The following AGFG2 variants were observed in gnomAD, a reference collection of about 807,000 sequenced individuals.
The protein encoded by AGFG2 is arf-GAP domain and FG repeat-containing protein 2.
AGFG2 carries 31 observed loss-of-function variants against 48.0 expected under a neutral mutation model. That is an observed-to-expected ratio of 0.65 (90% CI 0.49 to 0.87). The LOEUF is 0.87. Among genes scored for constraint, AGFG2 ranks in the 40% least tolerant of loss-of-function variants. The pLI is 0.00. For missense variants in AGFG2, 599 were observed against 632.6 expected (o/e 0.95, Z 0.57); for synonymous variants, 229 against 260.8 (o/e 0.88, Z 1.18).
chr7:100,539,609 A>T, intron 1 of AGFG2, 42 bp downstream of exon 1: 1 of 168,672 alleles, frequency 5.9e-6, no homozygotes, highest in Non-Finnish European at 1.0e-5. Flanking sequence ...GCGTGGGGGG[A>T]CCCGGGGGCG....
rs1801035517 is a variant in AGFG2 at position 100,567,396 on chromosome 7, TC to T, written c.*2406del. On this transcript the variant is annotated 3_prime_UTR_variant, in exon 12 of 12. Transcript: ENST00000300176. ...CGGGGCTAGAGTGACTCACCTGGGC[TC>T]ACACCAACTTCTGGCCAATGCAGGG... is the stretch of plus-strand genomic sequence containing the variant. 6.5e-6 allele frequency: 1 copy of T among 152,860 alleles called. No homozygotes were observed. The highest frequency in any genetic ancestry group is 2.4e-5 in the African/African-American group (1 of 41,474). The allele number at this position is 152,860 out of a possible 1,614,324, so 9.5% of individuals were successfully genotyped here.
chr7:100,546,696 A>C (rs1244991685), intron 1 of AGFG2, among the ~76,000 whole-genome samples: 1 of 152,222 alleles, frequency 6.6e-6, no homozygotes, highest in Non-Finnish European at 1.5e-5. Context: ...AGGTCTGGCT[A>C]GACTTCAGAA....
rs183823871 is a variant in AGFG2, at chr7:100,553,664, C to G, written c.585+164C>G. Among the ~76,000 whole-genome samples the G allele has an allele frequency of 2.6e-5, 4 of 152,286 alleles. No individual in the cohort carries two copies. The East Asian group carries it at 7.7e-4, about 29-fold the overall frequency. On this transcript the variant is annotated intron_variant, in intron 4 of 11. Transcript: ENST00000300176. ...TATCTTGTATTTGTCACTTCTGGAC[C>G]TCATATCTTTTGGAAGTCAGAACCT...
chr7:100,567,989 T>G lies in AGFG2; in HGVS notation c.*2998T>G, dbSNP rs1284708484. 3 of 152,594 alleles carry G rather than the reference T, an allele frequency of 2.0e-5. No homozygotes were observed. The highest frequency in any genetic ancestry group is 4.4e-5 in the Non-Finnish European group (3 of 68,054). The allele number at this position is 152,594 out of a possible 1,614,324, so 9.5% of individuals were successfully genotyped here. ...TCACCTGGCATTGATCACCTGGCAT[T>G]GATCAGCACCCACCCCACCCCTGAG... is the stretch of plus-strand genomic sequence containing the variant. On this transcript the variant is annotated 3_prime_UTR_variant, in exon 12 of 12. Transcript: ENST00000300176.
At position 100,553,647 on chromosome 7, in the gene AGFG2, AT is replaced by A. The variant is rs1211593770; in HGVS notation, c.585+150del. 4.0e-6 allele frequency: 4 copies of A among 991,808 alleles called. No individual in the cohort carries two copies. In the South Asian group the frequency reaches 5.7e-5, roughly 14 times the overall value. 61.4% of individuals were successfully genotyped at this position (991,808 alleles called of 1,614,324 possible). On this transcript the variant is annotated intron_variant, in intron 4 of 11. Transcript: ENST00000300176. Reference sequence around the variant, plus strand: ...GCTCTGCTGTTAACCTGTATCTTGTATTTGTCACTTCTGGACCTCATATCTT... The same window carrying A: ...GCTCTGCTGTTAACCTGTATCTTGTATTGTCACTTCTGGACCTCATATCTT...
chr7:100,562,644 G>A lies in AGFG2; in HGVS notation c.1049G>A (p.Gly350Asp). The change falls in exon 8 of 12, where the codon GGC becomes GAC. Residue 350 changes from glycine to aspartate, a missense_variant. By Grantham distance (94) the Gly-to-Asp change is moderately conservative. Coordinates refer to ENST00000300176, the MANE Select transcript of AGFG2 (RefSeq NM_006076.5). The surrounding 1 kb of genome is among the most constrained non-coding windows in gnomAD (Gnocchi z 5.4). Reference sequence around the variant, plus strand: ...CCCCCGCTCCAGTCTGTCACGATGGGCGGCGGCGGCGGCAGCAGCACAGGG... The same window carrying A: ...CCCCCGCTCCAGTCTGTCACGATGGACGGCGGCGGCGGCAGCAGCACAGGG... The part of the protein sequence containing the change: ...QVPPLQSVTM[G>D]GGGGSSTGLA... 6.3e-7 allele frequency: 1 copy of A among 1,590,772 alleles called. No homozygotes were observed. The highest frequency in any genetic ancestry group is 8.6e-7 in the Non-Finnish European group (1 of 1,164,112).
intron 1 of AGFG2, among the ~76,000 whole-genome samples, chr7:100,544,883 G>C (rs1800485350): frequency 6.6e-6 from 1 of 152,152 alleles, no homozygotes; most frequent in South Asian, 2.1e-4. Flanking sequence ...CATTGCTGCT[G>C]AGGAGGAACA....
intron 3 of AGFG2, among the ~76,000 whole-genome samples, chr7:100,551,027 A>AATTTTT (rs1704933599): frequency 6.5e-5 from 3 of 46,062 alleles, no homozygotes; most frequent in Admixed American, 2.8e-4. Flanking sequence ...ATGCCTGGCT[A>AATTTTT]ATTTATATAT....
intron 3 of AGFG2, 96 bp from the exon 4 acceptor site, chr7:100,553,251 C>A: frequency 6.9e-7 from 1 of 1,449,236 alleles, no homozygotes; most frequent in Middle Eastern, 1.9e-4. Flanking sequence ...GAAAAATGAG[C>A]ATAGATTTTG....
In AGFG2 at chr7:100,562,881, C is replaced by T. The variant is rs773557903; in HGVS notation, c.1106C>T (p.Thr369Ile). 2 of 1,614,166 alleles carry T rather than the reference C, an allele frequency of 1.2e-6. No homozygotes were observed. The highest frequency in any genetic ancestry group is 1.7e-5 in the Admixed American group (1 of 60,030). ...TGGGCAGCCTTCACTAACCCTTTCA[C>T]AGCTCCCGCCGCCCAGTCCCCGCTG... ...LAFGAFTNPFTAPAAQSPLPS... is the reference protein window; with the variant it reads ...LAFGAFTNPFIAPAAQSPLPS... Residue 369 changes from threonine (T) to isoleucine (I), a missense_variant, in exon 9 of 12, where the codon ACA becomes ATA. By Grantham distance (89) the Thr-to-Ile change is moderately conservative. Transcript: ENST00000300176. The surrounding 1 kb of genome is among the most constrained non-coding windows in gnomAD (Gnocchi z 5.4).
intron 1 of AGFG2, among the ~76,000 whole-genome samples, chr7:100,548,478 A>G (rs972708119): frequency 6.6e-6 from 1 of 151,892 alleles, no homozygotes; most frequent in East Asian, 1.9e-4. Flanking sequence ...ATGCCCGGCT[A>G]ATTTTTGTAT....
chr7:100,547,348 C>T (rs1800532265), intron 1 of AGFG2, among the ~76,000 whole-genome samples: 1 of 151,848 alleles, frequency 6.6e-6, no homozygotes, highest in Non-Finnish European at 1.5e-5. Flanking sequence ...TTTGCGCTTC[C>T]TGAGGATGTC....
chr7:100,549,691 A>G (rs930512711), intron 2 of AGFG2, among the ~76,000 whole-genome samples: 12 of 151,860 alleles, frequency 7.9e-5, no homozygotes, highest in African/African-American at 2.7e-4. Context: ...TTATTTATTT[A>G]TTTATTTATT....
chr7:100,551,053 TATATATATATATATTTC>T (rs1562791814), intron 3 of AGFG2, among the ~76,000 whole-genome samples: 5 of 86,384 alleles, frequency 5.8e-5, no homozygotes, highest in African/African-American at 2.0e-4. Context: ...TATATATATA[TATATATATATATATTTC>T]TTTTTTTTTT....
Position 100,562,628 on chromosome 7 carries a change from C to T in AGFG2, c.1033C>T (p.Gln345Ter). The T allele has an allele frequency of 5.0e-6, 8 of 1,612,570 alleles. No individual in the cohort carries two copies. The highest frequency in any genetic ancestry group is 6.8e-6 in the Non-Finnish European group (8 of 1,179,984). The change falls in exon 8 of 12, where the codon CAG becomes TAG. Residue 345 changes from glutamine to a stop codon, truncating the protein, a stop_gained. Coordinates refer to ENST00000300176, the MANE Select transcript of AGFG2 (RefSeq NM_006076.5). LOFTEE classifies it high-confidence loss of function. The surrounding 1 kb of genome is among the most constrained non-coding windows in gnomAD (Gnocchi z 5.4). ...FGMAGQVPPL[Q>*]SVTMGGGGGS... ...GATGGCTGGCCAGGTCCCCCCGCTC[C>T]AGTCTGTCACGATGGGCGGCGGCGG...
intron 1 of AGFG2, among the ~76,000 whole-genome samples, chr7:100,547,803 A>G (rs1005824145): frequency 5.9e-5 from 9 of 152,182 alleles, no homozygotes; most frequent in African/African-American, 2.2e-4. Context: ...GTTGAACTTG[A>G]CTTCTTCCTG....
chr7:100,544,269 C>T (rs1262623053), intron 1 of AGFG2, among the ~76,000 whole-genome samples: 1 of 152,138 alleles, frequency 6.6e-6, no homozygotes, highest in Non-Finnish European at 1.5e-5. Context: ...GTAATAGACA[C>T]TTATCTCTTC....
At position 100,566,996 on chromosome 7, in the gene AGFG2, C is replaced by T. The variant is rs184985316; in HGVS notation, c.*2005C>T. The T allele has an allele frequency of 6.5e-6, 1 of 152,674 alleles. No individual in the cohort carries two copies. Among genetic ancestry groups the T allele is most frequent in the African/African-American group, 2.4e-5 (1 of 41,544 alleles). 9.5% of individuals were successfully genotyped at this position (152,674 alleles called of 1,614,324 possible). On this transcript the variant is annotated 3_prime_UTR_variant, in exon 12 of 12. Coordinates refer to ENST00000300176, the MANE Select transcript of AGFG2 (RefSeq NM_006076.5). Reference sequence around the variant, plus strand: ...CCGAGGTTTGGAACTGAGGCTAAACCGAAGGGCTTTCTCCTGCTTCTGTCA... The same window carrying T: ...CCGAGGTTTGGAACTGAGGCTAAACTGAAGGGCTTTCTCCTGCTTCTGTCA...
chr7:100,547,327 C>CT (rs1410182949), intron 1 of AGFG2, among the ~76,000 whole-genome samples: 2 of 152,102 alleles, frequency 1.3e-5, no homozygotes, highest in Non-Finnish European at 2.9e-5. Context: ...ATTTTTGTCT[C>CT]TTTTTCCCCC....
Sources: gnomAD v4.1 joint callset for allele counts (sites outside exome capture counted in the v4.1 genomes callset) on GRCh38, gnomAD v4.1.1 for gene constraint, Gnocchi (gnomAD v3.1) non-coding constraint, MANE v1.5 for transcripts, NCBI Gene and HGNC (gene_info 2026-07-23, HGNC 2026-07-21) for gene names.